The following PDE1A variants were observed in gnomAD, a reference collection of about 807,000 sequenced individuals.
PDE1A encodes phosphodiesterase 1A.
Under a neutral mutation model 61.7 loss-of-function variants are expected in PDE1A, and 35 were observed. That is an observed-to-expected ratio of 0.57 (90% confidence interval 0.43 to 0.75). The LOEUF (loss-of-function observed/expected upper bound fraction) is 0.75, where lower values mean the gene tolerates loss of function less well. Among genes scored for constraint, PDE1A ranks in the 30% least tolerant of loss-of-function variants. The pLI, the probability that PDE1A is intolerant of heterozygous loss-of-function variation, is 0.00. For missense variants in PDE1A, 597 were observed against 630.6 expected (o/e 0.95, Z 0.57); for synonymous variants, 232 against 213.2 (o/e 1.09, Z -0.77).
At chr2:182,605,803 G>C in the PDE1A span, among the ~76,000 whole-genome samples, 25 of 152,180 alleles carry the variant, frequency 1.6e-4, no homozygotes, top group African/African-American at 3.9e-4. Context: ...AGTAAAAAGA[G>C]AGGAAGGAGT....
At chr2:182,337,786 T>C (rs1697932970) in intron 1 of PDE1A, among the ~76,000 whole-genome samples, 1 of 152,082 alleles carries the variant, frequency 6.6e-6, no homozygotes, top group South Asian at 2.1e-4. Context: ...AAAAGCAAAA[T>C]GATCCTTTTC....
chr2:182,638,242 A>G, the PDE1A span, among the ~76,000 whole-genome samples: 1 of 152,202 alleles, frequency 6.6e-6, no homozygotes, highest in African/African-American at 2.4e-5. Context: ...TAATTAAAAT[A>G]AAAATCAGGC....
the PDE1A span, among the ~76,000 whole-genome samples, chr2:182,644,957 C>T: frequency 6.6e-6 from 1 of 150,836 alleles, no homozygotes; most frequent in African/African-American, 2.4e-5. Context: ...ATTATTTCTG[C>T]TTCCTCAAGC....
the PDE1A span, among the ~76,000 whole-genome samples, chr2:182,704,928 T>A: frequency 6.6e-6 from 1 of 152,370 alleles, no homozygotes; most frequent in South Asian, 2.1e-4. Context: ...CTCTATGGAC[T>A]CCTGGATTAG....
downstream of PDE1A, among the ~76,000 whole-genome samples, chr2:182,144,934 T>C (rs1428635398): frequency 2.0e-5 from 3 of 152,192 alleles, no homozygotes; most frequent in Non-Finnish European, 4.4e-5. Context: ...TGGCTGACTG[T>C]AGCCTTCAGA....
intron 2 of PDE1A, among the ~76,000 whole-genome samples, chr2:182,435,236 A>G (rs532837560): frequency 6.6e-6 from 1 of 152,262 alleles, no homozygotes; most frequent in South Asian, 2.1e-4. Flanking sequence ...CGAACATACA[A>G]ATCTACTATT....
At chr2:182,484,366 A>C (rs1203412531) in intron 2 of PDE1A, among the ~76,000 whole-genome samples, 2 of 152,068 alleles carry the variant, frequency 1.3e-5, no homozygotes, top group Admixed American at 6.6e-5. Flanking sequence ...AATCAACTCA[A>C]GATGGATTAC....
At chr2:182,484,527 T>C (rs79723818) in intron 2 of PDE1A, among the ~76,000 whole-genome samples, 4 of 151,800 alleles carry the variant, frequency 2.6e-5, no homozygotes, top group Non-Finnish European at 4.4e-5. Flanking sequence ...TCTAATTAAA[T>C]TGAAAAGCTT....
chr2:182,300,582 ATGACT>A (rs1313016963), intron 1 of PDE1A, among the ~76,000 whole-genome samples: 7 of 152,198 alleles, frequency 4.6e-5, no homozygotes, highest in African/African-American at 1.7e-4. Context: ...GCAGTTACAA[ATGACT>A]TGAATGTTTA....
the PDE1A span, among the ~76,000 whole-genome samples, chr2:182,531,707 GTTT>G: frequency 6.6e-6 from 1 of 152,126 alleles, no homozygotes; most frequent in African/African-American, 2.4e-5. Context: ...ATATTTGTGG[GTTT>G]TTTAATATAC....
chr2:182,683,850 G>C, the PDE1A span, among the ~76,000 whole-genome samples: 1 of 151,854 alleles, frequency 6.6e-6, no homozygotes, highest in Admixed American at 6.6e-5. Context: ...CTGGGAGCGG[G>C]GGCTCACGTC....
At chr2:182,213,103 C>A (rs796709114) in intron 7 of PDE1A, among the ~76,000 whole-genome samples, 1 of 150,494 alleles carries the variant, frequency 6.6e-6, no homozygotes, top group African/African-American at 2.5e-5. Context: ...AAGTGGGTCC[C>A]TGACCCCTGA....
intron 1 of PDE1A, among the ~76,000 whole-genome samples, chr2:182,363,207 C>G (rs865775241): frequency 2.0e-5 from 3 of 151,898 alleles, no homozygotes; most frequent in Non-Finnish European, 2.9e-5. Flanking sequence ...TACCCCTGAA[C>G]CTGAACTTAA....
intron 7 of PDE1A, among the ~76,000 whole-genome samples, chr2:182,212,428 T>C (rs1428382647): frequency 6.6e-6 from 1 of 152,170 alleles, no homozygotes; most frequent in East Asian, 1.9e-4. Context: ...GATGGCAGAA[T>C]AGGAACAGCT....
At chr2:182,257,374 T>A (rs1691896347) in intron 2 of PDE1A, among the ~76,000 whole-genome samples, 1 of 152,226 alleles carries the variant, frequency 6.6e-6, no homozygotes, top group Admixed American at 6.5e-5. Flanking sequence ...ATTGGTTTAG[T>A]CTACATAGAT....
chr2:182,194,788 T>A (rs1685999058), intron 10 of PDE1A, among the ~76,000 whole-genome samples: 1 of 151,876 alleles, frequency 6.6e-6, no homozygotes, highest in African/African-American at 2.4e-5. Context: ...CTGAGTCCAT[T>A]TGTTAAATAA....
chr2:182,312,713 T>C (rs1696065533), intron 1 of PDE1A, among the ~76,000 whole-genome samples: 3 of 152,178 alleles, frequency 2.0e-5, no homozygotes, highest in African/African-American at 4.8e-5. Flanking sequence ...TTTTAATCAA[T>C]CTTGAAATCG....
At chr2:182,214,337 T>A in intron 7 of PDE1A, among the ~76,000 whole-genome samples, 1 of 149,842 alleles carries the variant, frequency 6.7e-6, no homozygotes, top group Non-Finnish European at 1.5e-5. Flanking sequence ...CCATCGAGAC[T>A]AGGAAGAAAC....
In PDE1A at chr2:182,169,938, ACT is replaced by A. The variant is rs1187109914; in HGVS notation, c.1517-1650_1517-1649del. Among the ~76,000 whole-genome samples the A allele has an allele frequency of 5.4e-5, 5 of 92,758 alleles. No homozygotes were observed. The East Asian group carries it at 1.9e-3, about 36-fold the overall frequency. 60.9% of individuals were successfully genotyped at this position (92,758 alleles called of 152,430 possible). A position where few individuals can be genotyped will look rare whatever the true frequency, so the allele number is the denominator to read the frequency against. Reference sequence around the variant, plus strand: ...CACACACACGCACACACACACACACACTCTCCCTCTCTCTCTTTCTCTTTCAT... The same window carrying A: ...CACACACACGCACACACACACACACACTCCCTCTCTCTCTTTCTCTTTCAT... On this transcript the variant is annotated intron_variant, in intron 13 of 13. Transcript: ENST00000351439.
Sources: gnomAD v4.1 joint callset for allele counts (sites outside exome capture counted in the v4.1 genomes callset) on GRCh38, gnomAD v4.1.1 for gene constraint, MANE v1.5 for transcripts, NCBI Gene and HGNC (gene_info 2026-07-23, HGNC 2026-07-21) for gene names.